Variants in CSMD2 observed in about 807,000 individuals in gnomAD.
CSMD2 encodes CUB and Sushi multiple domains 2.
In CSMD2, 130 loss-of-function variants were observed where a neutral mutation model predicts 398.5. The observed-to-expected ratio is 0.33, with a 90% confidence interval of 0.28 to 0.38. The LOEUF is 0.38. Ranked by LOEUF, CSMD2 falls within the 10% of genes least tolerant of loss-of-function variation. The pLI, the probability that CSMD2 is intolerant of heterozygous loss-of-function variation, is 1.00. For synonymous variants in CSMD2, 1,828 were observed against 1,908.5 expected (o/e 0.96, Z 1.10); for missense variants, 3,829 against 4,764.9 (o/e 0.80, Z 5.78).
chr1:33,835,509 G>T (rs1660109689), intron 6 of CSMD2, among the ~76,000 whole-genome samples: 2 of 61,380 alleles, frequency 3.3e-5, no homozygotes, highest in Non-Finnish European at 2.6e-5. Context: ...TTGTGGGGTG[G>T]GGGTAGGGGG....
intron 1 of CSMD2, among the ~76,000 whole-genome samples, chr1:34,102,559 A>G (rs1571126385): frequency 1.3e-5 from 2 of 148,872 alleles, no homozygotes; most frequent in Non-Finnish European, 3.0e-5. Context: ...CCTGTGATCC[A>G]ACCATATCCC....
intron 3 of CSMD2, among the ~76,000 whole-genome samples, chr1:33,982,132 A>C (rs1411933098): frequency 6.6e-6 from 1 of 152,138 alleles, no homozygotes; most frequent in Non-Finnish European, 1.5e-5. Context: ...AGATGTCAGA[A>C]ACATTCAGAA....
At chr1:33,634,694 G>T (rs1571025351) in intron 31 of CSMD2, among the ~76,000 whole-genome samples, 1 of 152,120 alleles carries the variant, frequency 6.6e-6, no homozygotes. Context: ...GTCTTCCCAG[G>T]GCACTGGTCT....
At chr1:33,844,113 C>T (rs1192085223) in intron 6 of CSMD2, among the ~76,000 whole-genome samples, 1 of 152,244 alleles carries the variant, frequency 6.6e-6, no homozygotes, top group Non-Finnish European at 1.5e-5. Flanking sequence ...TGACTGAAAT[C>T]TATTTCTGCC....
chr1:33,864,298 T>G, intron 5 of CSMD2: 1 of 1,614,030 alleles, frequency 6.2e-7, no homozygotes, highest in Non-Finnish European at 8.5e-7. Flanking sequence ...AATACCTATG[T>G]TGGCTTTAAA....
rs1453947756 is a variant in CSMD2, at chr1:33,808,715, A to T, written c.1446+2028T>A. The stretch of plus-strand genomic sequence containing the variant: ...ACAGAATAAACTCAAGTGCATTAGA[A>T]GGAAGAAAGTAATAAAGATGAGAGC... On this transcript the variant is annotated intron_variant, in intron 10 of 70. Transcript: ENST00000373381. 5.9e-5 allele frequency among the ~76,000 whole-genome samples: 9 copies of T among 152,066 alleles called. No homozygotes were observed. The South Asian group carries it at 1.9e-3, about 31-fold the overall frequency.
rs1275742576 is a variant in CSMD2 at position 34,164,859 on chromosome 1, G to A, written c.187+52C>T. On this transcript the variant is annotated intron_variant, in intron 1 of 70. Coordinates refer to ENST00000373381, the MANE Select transcript of CSMD2 (RefSeq NM_001281956.2). This position sits in a 1 kb window ranked among gnomAD's most constrained non-coding sequence, Gnocchi z 6.2. ...CGGGTCGAGGATGGGTGGGCTCGGG[G>A]CTCGGGTGGGGCGCGCGGCGGCCGC... The A allele has an allele frequency of 3.3e-6, 4 of 1,211,616 alleles. No individual in the cohort carries two copies. The African/African-American group carries it at 6.4e-5, about 19-fold the overall frequency. The allele number at this position is 1,211,616 out of a possible 1,614,324, so 75.1% of individuals were successfully genotyped here. A position where few individuals can be genotyped will look rare whatever the true frequency, so the allele number is the denominator to read the frequency against.
chr1:33,615,494 C>T (rs1641324328), intron 39 of CSMD2, among the ~76,000 whole-genome samples: 1 of 152,160 alleles, frequency 6.6e-6, no homozygotes, highest in South Asian at 2.1e-4. Flanking sequence ...CCTCGACTGC[C>T]TGTGTCACAA....
chr1:34,084,589 C>CA (rs1657642728), intron 2 of CSMD2, among the ~76,000 whole-genome samples: 1 of 152,066 alleles, frequency 6.6e-6, no homozygotes, highest in African/African-American at 2.4e-5. Flanking sequence ...AGACACTTCT[C>CA]AAAAGAAGAC....
intron 6 of CSMD2, among the ~76,000 whole-genome samples, chr1:33,826,274 T>C (rs1266137656): frequency 6.6e-6 from 1 of 152,212 alleles, no homozygotes; most frequent in Non-Finnish European, 1.5e-5. Flanking sequence ...TGTGATTTTT[T>C]AGCTCCCTCC....
At chr1:33,577,677 A>G (rs915915345) in intron 48 of CSMD2, among the ~76,000 whole-genome samples, 193 bp from the exon 49 acceptor site, 5 of 152,156 alleles carry the variant, frequency 3.3e-5, no homozygotes, top group African/African-American at 1.2e-4. Flanking sequence ...CCGAAACAAA[A>G]CAACGGAAAC....
intron 37 of CSMD2, among the ~76,000 whole-genome samples, chr1:33,618,686 A>G (rs74066663): frequency 2.5e-3 from 380 of 152,116 alleles, no homozygotes; most frequent in African/African-American, 8.0e-3. Flanking sequence ...AGAAGTGCTC[A>G]CTGAGCACTT....
intron 3 of CSMD2, among the ~76,000 whole-genome samples, chr1:33,996,080 G>C (rs975259013): frequency 1.3e-5 from 2 of 152,198 alleles, no homozygotes; most frequent in Non-Finnish European, 2.9e-5. Context: ...CTGAAAAAAG[G>C]AAAAGAAATT....
At chr1:33,813,388 C>T (rs1464774095) in intron 9 of CSMD2, among the ~76,000 whole-genome samples, 1 of 152,210 alleles carries the variant, frequency 6.6e-6, no homozygotes, top group African/African-American at 2.4e-5. Context: ...CCCTGAGCAG[C>T]CAGCTCCATG....
chr1:33,572,122 A>C (rs953988657), intron 50 of CSMD2, among the ~76,000 whole-genome samples: 1 of 152,226 alleles, frequency 6.6e-6, no homozygotes, highest in Non-Finnish European at 1.5e-5. Context: ...AAACAAAACA[A>C]AACAAAAACC....
chr1:33,766,446 T>C (rs1223215538), intron 13 of CSMD2, among the ~76,000 whole-genome samples: 2 of 152,186 alleles, frequency 1.3e-5, no homozygotes, highest in African/African-American at 4.8e-5. Context: ...TCAATAAATA[T>C]GTGTTAAATA....
intron 48 of CSMD2, among the ~76,000 whole-genome samples, chr1:33,578,449 G>A (rs572696367): frequency 7.2e-5 from 11 of 152,192 alleles, no homozygotes; most frequent in African/African-American, 2.2e-4. Context: ...GTGGTGGTGC[G>A]TGCCCGTAGT....
At chr1:33,567,878 C>A in intron 52 of CSMD2, 37 bp from the exon 53 acceptor site, 1 of 1,544,108 alleles carries the variant, frequency 6.5e-7, no homozygotes, top group African/African-American at 1.4e-5. Context: ...GACCAACTAT[C>A]CCACAACTCA....
chr1:33,662,641 A>G (rs1644173834), intron 26 of CSMD2, among the ~76,000 whole-genome samples: 1 of 152,190 alleles, frequency 6.6e-6, no homozygotes, highest in African/African-American at 2.4e-5. Flanking sequence ...CAAGGTGACC[A>G]TTATGGACCG....
Sources: gnomAD v4.1 joint callset for allele counts (sites outside exome capture counted in the v4.1 genomes callset) on GRCh38, gnomAD v4.1.1 for gene constraint, Gnocchi (gnomAD v3.1) non-coding constraint, MANE v1.5 for transcripts, NCBI Gene and HGNC (gene_info 2026-07-23, HGNC 2026-07-21) for gene names.